NDST3: variants seen among roughly 807,000 people sequenced by gnomAD.
NDST3 encodes the protein bifunctional heparan sulfate N-deacetylase/N-sulfotransferase 3.
In NDST3, 58 loss-of-function variants were observed where a neutral mutation model predicts 96.1. That is an observed-to-expected ratio of 0.60 (90% CI 0.49 to 0.75). The LOEUF (loss-of-function observed/expected upper bound fraction) is 0.75, where lower values mean the gene tolerates loss of function less well. Ranked by LOEUF, NDST3 falls within the 30% of genes least tolerant of loss-of-function variation. The pLI is 0.00. For missense variants in NDST3, 788 were observed against 1,034.2 expected (o/e 0.76, Z 3.27); for synonymous variants, 333 against 359.7 (o/e 0.93, Z 0.84).
intron 2 of NDST3, chr4:118,055,433 C>T: frequency 6.3e-6 from 1 of 157,800 alleles, no homozygotes; most frequent in Non-Finnish European, 1.4e-5. Flanking sequence ...TATTTATTCA[C>T]ATTTAAACAT....
intron 6 of NDST3, among the ~76,000 whole-genome samples, chr4:118,195,788 T>C (rs1304294973): frequency 6.6e-6 from 1 of 152,236 alleles, no homozygotes; most frequent in Non-Finnish European, 1.5e-5. Context: ...AGATACCATC[T>C]GCAAACAAGG....
rs1355894309 is a variant in NDST3 at position 118,184,610 on chromosome 4, C to CT, written c.1540-39881_1540-39880insT. Among the ~76,000 whole-genome samples the CT allele has an allele frequency of 5.8e-3, 859 of 149,032 alleles. 11 individuals are homozygous for CT. The highest frequency in any genetic ancestry group is 0.02 in the African/African-American group (810 of 39,726). On this transcript the variant is annotated intron_variant, in intron 6 of 13. Transcript: ENST00000296499. ...GTCTCTCTCTCTCTCTCTACACACA[C>CT]ACACACACACACACACACACACACA...
intron 2 of NDST3, among the ~76,000 whole-genome samples, chr4:118,071,437 G>C (rs1464415961): frequency 1.3e-5 from 2 of 152,150 alleles, no homozygotes; most frequent in East Asian, 3.9e-4. Context: ...AGTAGGTGCT[G>C]TTGTCTATTG....
chr4:118,245,462 G>A (rs1167769864), intron 12 of NDST3, among the ~76,000 whole-genome samples: 2 of 152,158 alleles, frequency 1.3e-5, no homozygotes, highest in African/African-American at 2.4e-5. Flanking sequence ...GCTAAGTCAC[G>A]AAGGACTGAA....
chr4:118,171,705 G>A (rs1269689972), intron 6 of NDST3, among the ~76,000 whole-genome samples: 2 of 152,168 alleles, frequency 1.3e-5, no homozygotes, highest in Non-Finnish European at 2.9e-5. Flanking sequence ...GGAATTGTCC[G>A]TCCTTCTGAA....
intron 6 of NDST3, among the ~76,000 whole-genome samples, chr4:118,192,356 C>T (rs1186513586): frequency 6.6e-6 from 1 of 152,084 alleles, no homozygotes; most frequent in Non-Finnish European, 1.5e-5. Context: ...AGAAATTTTG[C>T]CCAGATCAAT....
intron 4 of NDST3, among the ~76,000 whole-genome samples, chr4:118,127,930 T>C (rs1732254816): frequency 1.3e-5 from 2 of 152,026 alleles, no homozygotes; most frequent in South Asian, 2.1e-4. Flanking sequence ...TCCTAGGTAG[T>C]TAATTTTATT....
chr4:118,248,558 T>C (rs1741465967), intron 12 of NDST3, among the ~76,000 whole-genome samples: 1 of 152,210 alleles, frequency 6.6e-6, no homozygotes, highest in South Asian at 2.1e-4. Context: ...GGAGACACAA[T>C]GATGAACAAA....
At chr4:118,150,114 T>TC (rs1734278957) in intron 6 of NDST3, among the ~76,000 whole-genome samples, 1 of 152,020 alleles carries the variant, frequency 6.6e-6, no homozygotes, top group African/African-American at 2.4e-5. Flanking sequence ...GCCCACTTGA[T>TC]CATGGTGGAT....
At chr4:118,186,382 A>G (rs1192402803) in intron 6 of NDST3, among the ~76,000 whole-genome samples, 1 of 152,198 alleles carries the variant, frequency 6.6e-6, no homozygotes, top group Non-Finnish European at 1.5e-5. Flanking sequence ...ATTAAGCAGT[A>G]TTAATGCACA....
rs370800744 is a variant in NDST3 at position 118,251,125 on chromosome 4, A to ATT, written c.2400-2371_2400-2370dup. 1.6e-3 allele frequency among the ~76,000 whole-genome samples: 175 copies of ATT among 111,660 alleles called. 6 individuals carry two copies. The highest frequency in any genetic ancestry group is 4.8e-3 in the Middle Eastern group (1 of 208). 73.3% of individuals were successfully genotyped at this position (111,660 alleles called of 152,430 possible). ...ATTTATTTATTTATTTATTATTTTT[A>ATT]TTTTATTTTTTTTTTTTTTGAGACG... On this transcript the variant is annotated intron_variant, in intron 12 of 13. Transcript: ENST00000296499.
At chr4:118,195,798 G>A (rs1247838214) in intron 6 of NDST3, among the ~76,000 whole-genome samples, 2 of 152,152 alleles carry the variant, frequency 1.3e-5, no homozygotes, top group African/African-American at 4.8e-5. Context: ...TGCAAACAAG[G>A]ATAACGTGAC....
chr4:118,164,039 C>T (rs925709751), intron 6 of NDST3, among the ~76,000 whole-genome samples: 7 of 152,152 alleles, frequency 4.6e-5, no homozygotes, highest in African/African-American at 1.2e-4. Flanking sequence ...CATAAACACA[C>T]ATGCATATGT....
intron 6 of NDST3, among the ~76,000 whole-genome samples, chr4:118,174,830 A>G (rs188665523): frequency 2.0e-5 from 3 of 152,250 alleles, no homozygotes; most frequent in African/African-American, 7.2e-5. Flanking sequence ...AGCTCATTTT[A>G]GAATCCGACT....
chr4:118,210,458 A>C (rs1310904780), intron 6 of NDST3, among the ~76,000 whole-genome samples: 1 of 152,126 alleles, frequency 6.6e-6, no homozygotes, highest in Non-Finnish European at 1.5e-5. Context: ...TCTTAAAAGG[A>C]ATATTAGCCT....
chr4:118,168,851 C>A (rs1312132847), intron 6 of NDST3, among the ~76,000 whole-genome samples: 1 of 152,124 alleles, frequency 6.6e-6, no homozygotes, highest in Non-Finnish European at 1.5e-5. Flanking sequence ...GGACATTATG[C>A]TAAGTGAAAT....
At chr4:118,196,227 T>C (rs1183798290) in intron 6 of NDST3, among the ~76,000 whole-genome samples, 1 of 152,178 alleles carries the variant, frequency 6.6e-6, no homozygotes. Flanking sequence ...TTTTTTACCA[T>C]ATTAGTGAAT....
chr4:118,038,228 T>TA (rs1490892940), intron 1 of NDST3, among the ~76,000 whole-genome samples: 1 of 152,200 alleles, frequency 6.6e-6, no homozygotes, highest in African/African-American at 2.4e-5. Context: ...GGTCCAATCT[T>TA]AGAGGGTAAA....
At chr4:118,089,977 A>G (rs1728734136) in intron 2 of NDST3, among the ~76,000 whole-genome samples, 2 of 152,082 alleles carry the variant, frequency 1.3e-5, no homozygotes, top group East Asian at 3.9e-4. Flanking sequence ...AGCACACCTA[A>G]GAGGAAAAGG....
Sources: allele counts gnomAD v4.1 joint callset (sites outside exome capture counted in the v4.1 genomes callset), GRCh38; gene constraint gnomAD v4.1.1; transcripts MANE v1.5; gene names NCBI Gene and HGNC (gene_info 2026-07-23, HGNC 2026-07-21).